The following RAD52 variants were observed in gnomAD, a reference collection of about 807,000 sequenced individuals.
RAD52 encodes DNA repair protein RAD52 homolog.
Under a neutral mutation model 55.5 loss-of-function variants are expected in RAD52, and 47 were observed. The observed-to-expected ratio is 0.85, with a 90% confidence interval of 0.67 to 1.08. The LOEUF is 1.08. Among genes scored for constraint, RAD52 ranks in the 50% least tolerant of loss-of-function variants. RAD52 has a pLI of 0.00. For missense variants in RAD52, 468 were observed against 522.8 expected (o/e 0.90, Z 1.02); for synonymous variants, 184 against 198.9 (o/e 0.92, Z 0.63).
chr12:932,356 A>G (rs1428224637), intron 2 of RAD52, among the ~76,000 whole-genome samples: 2 of 152,152 alleles, frequency 1.3e-5, no homozygotes, highest in Non-Finnish European at 2.9e-5. Context: ...TTAGCTGGCC[A>G]TGGTGGTGCA....
At position 937,476 on chromosome 12, in the gene RAD52, T is replaced by C. The variant is rs190892382; in HGVS notation, c.-18-4400A>G. Among the ~76,000 whole-genome samples, 237 of 151,040 alleles carry C rather than the reference T, an allele frequency of 1.6e-3. 1 individual carries two copies. The highest frequency in any genetic ancestry group is 5.4e-3 in the African/African-American group (220 of 41,108). The stretch of plus-strand genomic sequence containing the variant: ...TCTCGCTCTGTCACCCAGGCTGGAG[T>C]GCAGAGTGGTGTGATCTCAGCTCAC... On this transcript the variant is annotated intron_variant, in intron 1 of 11. Coordinates refer to ENST00000358495, the MANE Select transcript of RAD52 (RefSeq NM_134424.4).
chr12:925,299 GTC>G lies in RAD52; in HGVS notation c.543+149_543+150del, dbSNP rs1956972612. The G allele has an allele frequency of 5.8e-6, 4 of 692,750 alleles. No homozygotes were observed. The Admixed American group carries it at 9.8e-5, about 17-fold the overall frequency. 42.9% of individuals were successfully genotyped at this position (692,750 alleles called of 1,614,324 possible). Reference sequence around the variant, plus strand: ...GAAAATGTTGGGATTAGTTCCTGCTGTCTCTAACATTCGAAATCTGAAATCAA... The same window carrying G: ...GAAAATGTTGGGATTAGTTCCTGCTGTCTAACATTCGAAATCTGAAATCAA... On this transcript the variant is annotated intron_variant, in intron 7 of 11. Coordinates refer to ENST00000358495, the MANE Select transcript of RAD52 (RefSeq NM_134424.4).
rs375827145 is a variant in RAD52 at position 911,849 on chromosome 12, G to A, written c.*1542C>T. Among the ~76,000 whole-genome samples, 16 of 150,378 alleles carry A rather than the reference G, an allele frequency of 1.1e-4. No homozygotes were observed. Among genetic ancestry groups the A allele is most frequent in the East Asian group, 2.0e-4 (1 of 5,100 alleles). On this transcript the variant is annotated 3_prime_UTR_variant, in exon 12 of 12. Coordinates refer to ENST00000358495, the MANE Select transcript of RAD52 (RefSeq NM_134424.4). ...AGCCTGGCCAACATGGAGAAACCCC[G>A]TCTCCTCTACTAAAAATACAAAAAT...
intron 1 of RAD52, among the ~76,000 whole-genome samples, chr12:948,101 T>C (rs932009466): frequency 2.0e-5 from 3 of 151,904 alleles, no homozygotes; most frequent in African/African-American, 7.3e-5. Flanking sequence ...AAATGTGGTA[T>C]ATCCACACAA....
intron 7 of RAD52, among the ~76,000 whole-genome samples, chr12:920,381 C>CT (rs1956655045): frequency 8.6e-6 from 1 of 115,684 alleles, no homozygotes; most frequent in Admixed American, 8.4e-5. Flanking sequence ...ATGGTGAAAC[C>CT]CCGTCTCTAC....
intron 1 of RAD52, among the ~76,000 whole-genome samples, chr12:977,340 G>C (rs1211965289): frequency 6.6e-6 from 1 of 152,122 alleles, no homozygotes; most frequent in Non-Finnish European, 1.5e-5. Flanking sequence ...TGCTCTCTTA[G>C]GGCAATTTTC....
At chr12:987,802 T>C (rs574408936) in intron 1 of RAD52, among the ~76,000 whole-genome samples, 61 of 152,174 alleles carry the variant, frequency 4.0e-4, no homozygotes, top group Non-Finnish European at 6.9e-4. Context: ...GCTCAAACGA[T>C]CTGCCTGCCT....
intron 1 of RAD52, among the ~76,000 whole-genome samples, chr12:934,377 C>T (rs1056471634): frequency 1.3e-5 from 2 of 150,034 alleles, no homozygotes; most frequent in East Asian, 3.9e-4. Context: ...GTAGGAGAAT[C>T]GCTTGAACCT....
chr12:929,697 A>T, intron 5 of RAD52, 122 bp downstream of exon 5: 1 of 923,690 alleles, frequency 1.1e-6, no homozygotes. Context: ...ACTCTAGGGA[A>T]CGCTGGCTGA....
chr12:954,911 AAG>A (rs1233395593), intron 1 of RAD52, among the ~76,000 whole-genome samples: 1 of 152,166 alleles, frequency 6.6e-6, no homozygotes, highest in East Asian at 1.9e-4. Context: ...CCAGTGAGGA[AAG>A]GGGATTCTTT....
At chr12:988,545 A>G (rs967542143) in intron 1 of RAD52, among the ~76,000 whole-genome samples, 32 of 152,300 alleles carry the variant, frequency 2.1e-4, no homozygotes, top group African/African-American at 7.5e-4. Context: ...TTATAAAGAA[A>G]ACGGGTTTGT....
At chr12:922,549 G>A (rs1382822553) in intron 7 of RAD52, among the ~76,000 whole-genome samples, 1 of 152,152 alleles carries the variant, frequency 6.6e-6, no homozygotes, top group Non-Finnish European at 1.5e-5. Flanking sequence ...GCCACAAAAA[G>A]AAGGGAATTC....
At chr12:935,883 A>C (rs1405978798) in intron 1 of RAD52, among the ~76,000 whole-genome samples, 2 of 150,104 alleles carry the variant, frequency 1.3e-5, no homozygotes, top group African/African-American at 4.9e-5. Flanking sequence ...TAAATAAATA[A>C]ATAAATAAAT....
chr12:940,480 C>G (rs1205767915), intron 1 of RAD52, among the ~76,000 whole-genome samples: 2 of 151,858 alleles, frequency 1.3e-5, no homozygotes, highest in African/African-American at 2.4e-5. Context: ...GCCTGTAGTC[C>G]CAGCTACTCA....
intron 9 of RAD52, chr12:916,123 G>T: frequency 8.1e-7 from 1 of 1,238,778 alleles, no homozygotes. Context: ...TTAGTTCCAC[G>T]GGGGAAAAAA....
In RAD52 at chr12:916,347, C is replaced by T. The variant is rs769576181; in HGVS notation, c.862G>A (p.Glu288Lys). The T allele has an allele frequency of 1.9e-6, 3 of 1,605,796 alleles. No homozygotes were observed. The highest frequency in any genetic ancestry group is 1.7e-6 in the Non-Finnish European group (2 of 1,179,940). Reference sequence around the variant, plus strand: ...CCTGCTCCCACCCCTCGCTCACCCTCACTCTTCTCAGCTGACGGCGTGGAG... The same window carrying T: ...CCTGCTCCCACCCCTCGCTCACCCTTACTCTTCTCAGCTGACGGCGTGGAG... ...RVSTPSAEKS[E>K]AAPPAPPVTH... Residue 288 changes from glutamate (E) to lysine (K), a missense_variant, in exon 9 of 12, where the codon GAG becomes AAG. Coordinates refer to ENST00000358495, the MANE Select transcript of RAD52 (RefSeq NM_134424.4).
intron 1 of RAD52, among the ~76,000 whole-genome samples, chr12:934,829 C>T (rs532831916): frequency 6.6e-6 from 1 of 152,020 alleles, no homozygotes; most frequent in South Asian, 2.1e-4. Flanking sequence ...TTTAAAAAAA[C>T]CGGCCAGGTG....
chr12:945,913 C>T (rs941435636), intron 1 of RAD52, among the ~76,000 whole-genome samples: 3 of 151,838 alleles, frequency 2.0e-5, no homozygotes, highest in Non-Finnish European at 2.9e-5. Flanking sequence ...ATCCCAGCTA[C>T]TCGGGAGGTT....
At position 916,504 on chromosome 12, in the gene RAD52, G is replaced by A. The variant is rs3815209; in HGVS notation, c.726-21C>T. The A allele has an allele frequency of 2.4e-4, 392 of 1,606,360 alleles. 3 individuals are homozygous for A. The East Asian group carries it at 8.5e-3, about 35-fold the overall frequency. On this transcript the variant is annotated intron_variant, in intron 8 of 11. Coordinates refer to ENST00000358495, the MANE Select transcript of RAD52 (RefSeq NM_134424.4). ...GGCTTCTGCATGAGAGGGCGGCGGC[G>A]AGGACGGGCTCCTGAGCAACAGCCG...
Sources: gnomAD v4.1 joint callset for allele counts (sites outside exome capture counted in the v4.1 genomes callset) on GRCh38, gnomAD v4.1.1 for gene constraint, MANE v1.5 for transcripts, NCBI Gene and HGNC (gene_info 2026-07-23, HGNC 2026-07-21) for gene names.